SUGCT: variants seen among roughly 807,000 people sequenced by gnomAD.
SUGCT encodes the protein succinyl-CoA:glutarate-CoA transferase.
In SUGCT, 41 loss-of-function variants were observed where a neutral mutation model predicts 55.0. The ratio of observed to expected loss-of-function variants is 0.74; its 90% confidence interval spans 0.58 to 0.97. The LOEUF (loss-of-function observed/expected upper bound fraction) is 0.97, where lower values mean the gene tolerates loss of function less well. SUGCT is among the 50% of genes least tolerant of loss of function. SUGCT has a pLI of 0.00. For synonymous variants in SUGCT, 187 were observed against 200.4 expected, an observed-to-expected ratio of 0.93 and a Z score of 0.56; for missense variants, 568 against 547.8, an observed-to-expected ratio of 1.04 and a Z score of -0.37.
intron 8 of SUGCT, among the ~76,000 whole-genome samples, chr7:40,299,648 C>A (rs200024947): frequency 5.4e-5 from 8 of 148,294 alleles, no homozygotes; most frequent in African/African-American, 7.5e-5. Flanking sequence ...CTATGTAGGC[C>A]AAAAAAAAAA....
At chr7:40,776,206 A>T (rs1347006654) in intron 13 of SUGCT, among the ~76,000 whole-genome samples, 1 of 152,168 alleles carries the variant, frequency 6.6e-6, no homozygotes, top group African/African-American at 2.4e-5. Flanking sequence ...TCTGCTGTTG[A>T]TTCACACTGG....
the SUGCT span, among the ~76,000 whole-genome samples, chr7:40,889,711 A>G: frequency 6.6e-6 from 1 of 152,154 alleles, no homozygotes; most frequent in Non-Finnish European, 1.5e-5. Flanking sequence ...ACTTATTAAT[A>G]TAGGTCAAGT....
the SUGCT span, among the ~76,000 whole-genome samples, chr7:41,031,314 T>C: frequency 6.6e-6 from 1 of 152,282 alleles, no homozygotes; most frequent in East Asian, 1.9e-4. Context: ...AGCAATATGG[T>C]CTGGGCTCTC....
At chr7:40,759,184 C>A (rs534095977) in intron 13 of SUGCT, among the ~76,000 whole-genome samples, 40 of 152,226 alleles carry the variant, frequency 2.6e-4, no homozygotes, top group African/African-American at 9.1e-4. Context: ...CATGTGTGAC[C>A]TTAAATAACT....
chr7:40,151,129 A>G (rs1451754448), intron 1 of SUGCT, among the ~76,000 whole-genome samples: 1 of 152,088 alleles, frequency 6.6e-6, no homozygotes, highest in Non-Finnish European at 1.5e-5. Context: ...AGTACCAGCT[A>G]ATTGGGAGGC....
At chr7:40,574,730 C>T (rs1562872318) in intron 12 of SUGCT, among the ~76,000 whole-genome samples, 1 of 152,084 alleles carries the variant, frequency 6.6e-6, no homozygotes, top group East Asian at 1.9e-4. Context: ...CCGTGCCCGG[C>T]TGGGCCTGTT....
intron 9 of SUGCT, among the ~76,000 whole-genome samples, chr7:40,410,306 A>G (rs1287333616): frequency 6.6e-6 from 1 of 152,066 alleles, no homozygotes; most frequent in Admixed American, 6.6e-5. Context: ...TGAATACTAC[A>G]ATATTTATTT....
intron 5 of SUGCT, 29 bp downstream of exon 5, chr7:40,189,623 AC>A: frequency 1.5e-6 from 2 of 1,306,018 alleles, no homozygotes; most frequent in South Asian, 1.8e-5. Context: ...AAAGCATCCT[AC>A]CACCTAGGTT....
intron 13 of SUGCT, among the ~76,000 whole-genome samples, chr7:40,787,401 C>T (rs552470914): frequency 4.3e-4 from 65 of 152,012 alleles, no homozygotes; most frequent in African/African-American, 1.6e-3. Flanking sequence ...TTAAAGCTCG[C>T]ACCAGTTTTG....
intron 12 of SUGCT, among the ~76,000 whole-genome samples, chr7:40,684,533 C>T (rs67777497): frequency 0.21 from 31,212 of 152,120 alleles, 3,331 homozygotes; most frequent in Non-Finnish European, 0.23. Context: ...TTCAGATTCT[C>T]GTCTCTGGAA....
the SUGCT span, among the ~76,000 whole-genome samples, chr7:40,933,323 C>T: frequency 6.6e-6 from 1 of 152,128 alleles, no homozygotes; most frequent in Non-Finnish European, 1.5e-5. Context: ...GATGGGCTTC[C>T]CTTTGTGGGT....
chr7:40,961,667 T>C, the SUGCT span, among the ~76,000 whole-genome samples: 3 of 152,222 alleles, frequency 2.0e-5, no homozygotes, highest in African/African-American at 7.2e-5. Flanking sequence ...GTGGTGAGTG[T>C]CACAGTTCTT....
intron 1 of SUGCT, among the ~76,000 whole-genome samples, chr7:40,171,397 T>C (rs1032582034): frequency 1.6e-4 from 25 of 152,210 alleles, no homozygotes; most frequent in African/African-American, 6.0e-4. Flanking sequence ...TTGTGTTTTT[T>C]CCCTCAGTCA....
intron 12 of SUGCT, among the ~76,000 whole-genome samples, chr7:40,592,422 G>A (rs1362057062): frequency 6.6e-6 from 1 of 152,198 alleles, no homozygotes. Flanking sequence ...CCGGTTGACT[G>A]TCTGGGTCTG....
chr7:40,421,187 G>A (rs980138543), intron 9 of SUGCT, among the ~76,000 whole-genome samples: 1 of 152,124 alleles, frequency 6.6e-6, no homozygotes. Flanking sequence ...TAGTGAGACC[G>A]TTGGCACCCT....
At chr7:40,536,244 AG>A (rs998040301) in intron 12 of SUGCT, among the ~76,000 whole-genome samples, 2 of 152,132 alleles carry the variant, frequency 1.3e-5, no homozygotes, top group African/African-American at 4.8e-5. Context: ...TCATTTTTCT[AG>A]AGAAAGAAGG....
chr7:40,430,172 G>C (rs1223096688), intron 9 of SUGCT, among the ~76,000 whole-genome samples: 1 of 152,016 alleles, frequency 6.6e-6, no homozygotes. Flanking sequence ...ATTTCCTTTG[G>C]GTATATGCTC....
At chr7:40,894,935 T>C in the SUGCT span, among the ~76,000 whole-genome samples, 1 of 152,172 alleles carries the variant, frequency 6.6e-6, no homozygotes, top group African/African-American at 2.4e-5. Flanking sequence ...AGAACTACTA[T>C]TTGAACCAGC....
intron 12 of SUGCT, among the ~76,000 whole-genome samples, chr7:40,632,808 G>A (rs1161783240): frequency 6.6e-6 from 1 of 152,114 alleles, no homozygotes; most frequent in East Asian, 1.9e-4. Flanking sequence ...AAAGAGACTA[G>A]TATACAAGTT....
Sources: allele counts gnomAD v4.1 joint callset (sites outside exome capture counted in the v4.1 genomes callset), GRCh38; gene constraint gnomAD v4.1.1; transcripts MANE v1.5; gene names NCBI Gene and HGNC (gene_info 2026-07-23, HGNC 2026-07-21).